Variants in DOCK1 observed in about 807,000 individuals in gnomAD.
DOCK1 encodes the protein dedicator of cytokinesis protein 1.
In DOCK1, 138 loss-of-function variants were observed where a neutral mutation model predicts 262.7. That is an observed-to-expected ratio of 0.53 (90% CI 0.46 to 0.61). DOCK1 has a LOEUF of 0.61. DOCK1 is among the 20% of genes least tolerant of loss of function. The pLI is 0.00. For synonymous variants in DOCK1, 866 were observed against 867.4 expected (o/e 1.00, Z 0.03); for missense variants, 1,908 against 2,370.7 (o/e 0.80, Z 4.05).
chr10:127,091,226 G>A (rs1208034209), intron 23 of DOCK1, among the ~76,000 whole-genome samples: 3 of 152,022 alleles, frequency 2.0e-5, no homozygotes, highest in Non-Finnish European at 4.4e-5. Flanking sequence ...CTCGCGATCC[G>A]CCCGACTTGG....
intron 49 of DOCK1, 60 bp from the exon 50 acceptor site, chr10:127,444,066 G>A: frequency 6.5e-7 from 1 of 1,542,176 alleles, no homozygotes. Context: ...GAATTTAGGT[G>A]GAAACGCAAC....
At chr10:127,404,536 A>C in intron 40 of DOCK1, 107 bp downstream of exon 40, 1 of 1,008,236 alleles carries the variant, frequency 9.9e-7, no homozygotes, top group Non-Finnish European at 1.5e-6. Context: ...GGGATCGTGC[A>C]ACTCTCTACA....
chr10:126,910,076 CTT>C (rs762679598), intron 1 of DOCK1, among the ~76,000 whole-genome samples: 31 of 152,250 alleles, frequency 2.0e-4, no homozygotes, highest in South Asian at 4.1e-4. Flanking sequence ...TGAGAGATCT[CTT>C]TTGTTATCTA....
chr10:127,108,013 G>A (rs2048640833), intron 24 of DOCK1, among the ~76,000 whole-genome samples: 1 of 152,222 alleles, frequency 6.6e-6, no homozygotes, highest in African/African-American at 2.4e-5. Context: ...CGTGTGCTTG[G>A]AGGTCCTAGG....
chr10:127,025,473 G>A (rs932692496), intron 15 of DOCK1, among the ~76,000 whole-genome samples: 3 of 151,874 alleles, frequency 2.0e-5, no homozygotes, highest in African/African-American at 7.3e-5. Context: ...TTGAGACGGA[G>A]TCTCATTCTG....
At chr10:126,949,710 A>G (rs1462882226) in intron 1 of DOCK1, among the ~76,000 whole-genome samples, 2 of 152,176 alleles carry the variant, frequency 1.3e-5, no homozygotes, top group South Asian at 2.1e-4. Context: ...GTATTACTCA[A>G]GAATATTTCA....
rs143110508 is a variant in DOCK1 at position 126,979,958 on chromosome 10, G to A, written c.172-1960G>A. The stretch of plus-strand genomic sequence containing the variant: ...GCCTCACTCAGTCATTATCCTTCCT[G>A]TGGCTTCATGATTCTCCAGTGGGTT... On this transcript the variant is annotated intron_variant, in intron 3 of 51. Coordinates refer to ENST00000623213, the MANE Select transcript of DOCK1 (RefSeq NM_001290223.2). Among the ~76,000 whole-genome samples the A allele has an allele frequency of 2.6e-5, 4 of 152,222 alleles. No homozygotes were observed. In the East Asian group the frequency reaches 5.8e-4, roughly 22 times the overall value.
At chr10:127,253,624 A>G (rs1167219742) in intron 28 of DOCK1, among the ~76,000 whole-genome samples, 3 of 152,220 alleles carry the variant, frequency 2.0e-5, no homozygotes, top group African/African-American at 4.8e-5. Context: ...CTGTAATCCC[A>G]GCACTTTGGG....
intron 29 of DOCK1, among the ~76,000 whole-genome samples, chr10:127,330,209 G>A (rs1046384958): frequency 1.3e-5 from 2 of 152,178 alleles, no homozygotes; most frequent in South Asian, 2.1e-4. Flanking sequence ...TTCAAAATTT[G>A]TAGAGAGGAC....
chr10:127,042,809 C>A lies in DOCK1; in HGVS notation c.2100+95C>A, dbSNP rs968356662. 3 of 1,282,134 alleles carry A rather than the reference C, an allele frequency of 2.3e-6. No homozygotes were observed. The African/African-American group carries it at 4.4e-5, about 19-fold the overall frequency. The allele number at this position is 1,282,134 out of a possible 1,614,324, so 79.4% of individuals were successfully genotyped here. A position where few individuals can be genotyped will look rare whatever the true frequency, so the allele number is the denominator to read the frequency against. On this transcript the variant is annotated intron_variant, in intron 20 of 51. Transcript: ENST00000623213. ...GAGTCGGGGGCTTCGTCACAGTGAC[C>A]TTGAACGCATTTTCAGTTGTAAATC...
intron 27 of DOCK1, among the ~76,000 whole-genome samples, chr10:127,184,517 C>T (rs181147131): frequency 1.2e-4 from 18 of 145,522 alleles, no homozygotes; most frequent in South Asian, 2.4e-4. Flanking sequence ...TCCTGCTAGT[C>T]TTGGCTTCAA....
chr10:127,444,634 T>C (rs1242987402), intron 50 of DOCK1, among the ~76,000 whole-genome samples: 2 of 152,262 alleles, frequency 1.3e-5, no homozygotes, highest in Non-Finnish European at 2.9e-5. Context: ...GACTGTGCAC[T>C]GGAGAAGCAC....
At chr10:127,413,636 G>T (rs1028320934) in intron 43 of DOCK1, among the ~76,000 whole-genome samples, 1 of 152,176 alleles carries the variant, frequency 6.6e-6, no homozygotes, top group Non-Finnish European at 1.5e-5. Context: ...GGAGCTGGCC[G>T]TAAAGCCCAG....
At chr10:126,992,785 C>G (rs1030247429) in intron 6 of DOCK1, among the ~76,000 whole-genome samples, 36 of 127,438 alleles carry the variant, frequency 2.8e-4, no homozygotes, top group African/African-American at 9.3e-4. Flanking sequence ...GACACACACA[C>G]ACAGACACAC....
At chr10:127,075,157 G>A (rs1285011239) in intron 23 of DOCK1, among the ~76,000 whole-genome samples, 2 of 86,778 alleles carry the variant, frequency 2.3e-5, no homozygotes, top group Admixed American at 2.0e-4. Flanking sequence ...CAACAAGAGC[G>A]AAACTCTGTC....
rs1565012408 is a variant in DOCK1 at position 127,347,879 on chromosome 10, CTTCCCATCCCTTCCCTT to C, written c.3224+4134_3224+4150del. 3.8e-4 allele frequency among the ~76,000 whole-genome samples: 34 copies of C among 89,170 alleles called. 6 individuals carry two copies. Among genetic ancestry groups the C allele is most frequent in the East Asian group, 1.4e-3 (5 of 3,536 alleles). The allele number at this position is 89,170 out of a possible 152,430, so 58.5% of individuals were successfully genotyped here. On this transcript the variant is annotated intron_variant, in intron 31 of 51. Coordinates refer to ENST00000623213, the MANE Select transcript of DOCK1 (RefSeq NM_001290223.2). ...CTTCCCTTCCCTTCCCTTCCCTTCC[CTTCCCATCCCTTCCCTT>C]CCCCCTTGCTAAGCCCTTGCAGCTC...
chr10:127,403,382 G>A (rs2067334602), intron 39 of DOCK1, among the ~76,000 whole-genome samples: 1 of 152,194 alleles, frequency 6.6e-6, no homozygotes, highest in Non-Finnish European at 1.5e-5. Flanking sequence ...AGGCTTCTAT[G>A]AATAAATTGT....
intron 1 of DOCK1, among the ~76,000 whole-genome samples, chr10:126,962,990 C>A (rs1011843375): frequency 0.081 from 12,382 of 152,166 alleles, 661 homozygotes; most frequent in African/African-American, 0.15. Flanking sequence ...ACTGTCCTCT[C>A]CCCATTGAAT....
intron 23 of DOCK1, among the ~76,000 whole-genome samples, chr10:127,096,648 A>T (rs75887399): frequency 4.6e-4 from 70 of 152,012 alleles, no homozygotes; most frequent in African/African-American, 1.6e-3. Flanking sequence ...CTAAAATAGC[A>T]TCTATTAATC....
Sources: gnomAD v4.1 joint callset for allele counts (sites outside exome capture counted in the v4.1 genomes callset) on GRCh38, gnomAD v4.1.1 for gene constraint, MANE v1.5 for transcripts, NCBI Gene and HGNC (gene_info 2026-07-23, HGNC 2026-07-21) for gene names.